Variants in AKT2 observed in about 807,000 individuals in gnomAD.
AKT2 encodes the protein AKT serine/threonine kinase 2, also known as RAC-beta serine/threonine-protein kinase.
AKT2 carries 16 observed loss-of-function variants against 58.6 expected under a neutral mutation model. The ratio of observed to expected loss-of-function variants is 0.27; its 90% CI spans 0.18 to 0.41. The LOEUF is 0.41. Among genes scored for constraint, AKT2 ranks in the 10% least tolerant of loss-of-function variants. The probability of loss-of-function intolerance (pLI) is 1.00; values close to 1 mark genes in which losing one functional copy is unlikely to be tolerated. For missense variants in AKT2, 438 were observed against 661.0 expected (o/e 0.66, Z 3.70); for synonymous variants, 253 against 254.0 (o/e 1.00, Z 0.04).
At chr19:40,274,902 G>A (rs928011309) in intron 1 of AKT2, 3 of 362,696 alleles carry the variant, frequency 8.3e-6, no homozygotes, top group African/African-American at 6.4e-5. Flanking sequence ...GGGGAGTGGG[G>A]GAGGGGCAGC....
intron 1 of AKT2, chr19:40,283,127 C>T (rs1454877133): frequency 6.5e-6 from 1 of 152,742 alleles, no homozygotes; most frequent in African/African-American, 2.4e-5. Context: ...ATGCTATAAA[C>T]ACTGGGCATC....
intron 1 of AKT2, chr19:40,282,468 T>C: frequency 2.0e-6 from 1 of 499,130 alleles, no homozygotes. Flanking sequence ...AAGGATGCCT[T>C]GCCTCCACTC....
chr19:40,281,395 G>C (rs2077421053), intron 1 of AKT2, among the ~76,000 whole-genome samples: 1 of 152,186 alleles, frequency 6.6e-6, no homozygotes. Context: ...AAGAGGATGA[G>C]GTGGAAGGAT....
chr19:40,275,764 TGGGGGGG>T (rs1004974778), intron 1 of AKT2, among the ~76,000 whole-genome samples: 1 of 4,752 alleles, frequency 2.1e-4, no homozygotes, highest in East Asian at 3.4e-3. Context: ...TTTGGGAGGC[TGGGGGGG>T]GGGGGGGTGG....
intron 7 of AKT2, chr19:40,239,521 T>C (rs1475175540): frequency 1.3e-5 from 4 of 313,404 alleles, no homozygotes; most frequent in Non-Finnish European, 2.5e-5. Context: ...AAAAGTACTG[T>C]GGCTTAATAG....
rs892948177 is a variant in AKT2, at chr19:40,235,426, G to T, written c.1176-76C>A. ...GCAGACGGGCTTTCGGAGCAGGCAG[G>T]CCCTGTATGGCCCTTAATGATTCTG... On this transcript the variant is annotated intron_variant, in intron 11 of 13. Transcript: ENST00000392038. This position sits in a 1 kb window ranked among gnomAD's most constrained non-coding sequence, Gnocchi z 6.3. 4 of 1,223,112 alleles carry T rather than the reference G, an allele frequency of 3.3e-6. No homozygotes were observed. Among genetic ancestry groups the T allele is most frequent in the Non-Finnish European group, 3.6e-6 (3 of 834,508 alleles). 75.8% of individuals were successfully genotyped at this position (1,223,112 alleles called of 1,614,324 possible).
In AKT2 at chr19:40,231,723, G is replaced by T. The variant is rs8111547; in HGVS notation, c.*2149C>A. 6.6e-4 allele frequency: 155 copies of T among 233,486 alleles called. No individual in the cohort carries two copies. Among genetic ancestry groups the T allele is most frequent in the African/African-American group, 3.2e-3 (145 of 45,488 alleles). The allele number at this position is 233,486 out of a possible 1,614,324, so 14.5% of individuals were successfully genotyped here. A position where few individuals can be genotyped will look rare whatever the true frequency, so the allele number is the denominator to read the frequency against. On this transcript the variant is annotated 3_prime_UTR_variant, in exon 14 of 14. Transcript: ENST00000392038. Reference sequence around the variant, plus strand: ...GCCACGTGACTCAAGCACGGGAAGTGCAGGGGCCCAGACACATCCAGGCTA... The same window carrying T: ...GCCACGTGACTCAAGCACGGGAAGTTCAGGGGCCCAGACACATCCAGGCTA...
intron 9 of AKT2, 40 bp from the exon 10 acceptor site, chr19:40,236,425 A>G: frequency 1.2e-6 from 2 of 1,613,330 alleles, no homozygotes; most frequent in South Asian, 1.1e-5. Context: ...CATGCTCCCA[A>G]GGCTTCCTGC....
intron 1 of AKT2, chr19:40,274,093 GA>G (rs2077267290): frequency 6.6e-6 from 1 of 152,552 alleles, no homozygotes; most frequent in Non-Finnish European, 1.5e-5. Context: ...GGCCTTCCCT[GA>G]CCACCCCTCT....
At chr19:40,274,350 G>A (rs2077270976) in intron 1 of AKT2, 1 of 153,180 alleles carries the variant, frequency 6.5e-6, no homozygotes, top group South Asian at 2.0e-4. Context: ...GCCAAGTGAA[G>A]GTAAAACAAA....
rs576276808 is a variant in AKT2, at chr19:40,242,119, G to A, written c.442-50C>T. The A allele has an allele frequency of 2.5e-5, 40 of 1,612,310 alleles. No homozygotes were observed. Among genetic ancestry groups the A allele is most frequent in the South Asian group, 2.1e-4 (19 of 90,998 alleles). The stretch of plus-strand genomic sequence containing the variant: ...GCAGTCAGCGCCTGGCTCATGGCCC[G>A]TGGGAGGAAATTTTAACAAAAGAAA... On this transcript the variant is annotated intron_variant, in intron 5 of 13. Coordinates refer to ENST00000392038, the MANE Select transcript of AKT2 (RefSeq NM_001626.6). This position sits in a 1 kb window ranked among gnomAD's most constrained non-coding sequence, Gnocchi z 4.3.
chr19:40,236,780 T>C (rs753550644), intron 9 of AKT2: 2 of 301,690 alleles, frequency 6.6e-6, no homozygotes, highest in South Asian at 3.0e-5. Context: ...TCCCAGCAAT[T>C]TGGGGGACTT....
rs564674181 is a variant in AKT2, at chr19:40,242,162, A to G, written c.442-93T>C. The G allele has an allele frequency of 3.1e-5, 49 of 1,558,932 alleles. No homozygotes were observed. In the South Asian group the frequency reaches 5.3e-4, roughly 17 times the overall value. On this transcript the variant is annotated intron_variant, in intron 5 of 13. Coordinates refer to ENST00000392038, the MANE Select transcript of AKT2 (RefSeq NM_001626.6). The surrounding 1 kb of genome is among the most constrained non-coding windows in gnomAD (Gnocchi z 4.3). The stretch of plus-strand genomic sequence containing the variant: ...AAAAGAAAGAGGAAAACCAAAAGAC[A>G]CTGTTGCCAAACGGCTTAGGCTGGA...
At chr19:40,251,080 T>C (rs1051872037) in intron 4 of AKT2, among the ~76,000 whole-genome samples, 7 of 152,030 alleles carry the variant, frequency 4.6e-5, no homozygotes, top group African/African-American at 1.7e-4. Flanking sequence ...GGTGCATACC[T>C]TTAGTCCCAG....
In AKT2 at chr19:40,242,737, G is replaced by C; in HGVS notation, c.288-50C>G. 1 of 1,598,290 alleles carries C rather than the reference G, an allele frequency of 6.3e-7. No individual in the cohort carries two copies. Among genetic ancestry groups the C allele is most frequent in the Non-Finnish European group, 8.5e-7 (1 of 1,176,118 alleles). On this transcript the variant is annotated intron_variant, in intron 4 of 13. Transcript: ENST00000392038. This position sits in a 1 kb window ranked among gnomAD's most constrained non-coding sequence, Gnocchi z 4.3. ...CAGCAGCCAGGAGTCCTGGGCCTCA[G>C]AGTCGAACAGCTGAGTGCCACCTCC... is the stretch of plus-strand genomic sequence containing the variant.
intron 2 of AKT2, among the ~76,000 whole-genome samples, chr19:40,262,703 C>T (rs1266545803): frequency 6.6e-6 from 1 of 152,242 alleles, no homozygotes; most frequent in African/African-American, 2.4e-5. Flanking sequence ...GCAAGTCACT[C>T]TTCCTACTGA....
chr19:40,233,327 C>T lies in AKT2; in HGVS notation c.*545G>A. ...CCCCCAGCCCTGCAGCTCCCAAGGG[C>T]CCCTGCCTGCCCCTGGACATTATTG... On this transcript the variant is annotated 3_prime_UTR_variant, in exon 14 of 14. Transcript: ENST00000392038. The surrounding 1 kb of genome is among the most constrained non-coding windows in gnomAD (Gnocchi z 4.3). The T allele has an allele frequency of 2.5e-6, 1 of 395,044 alleles. No homozygotes were observed. The highest frequency in any genetic ancestry group is 4.8e-6 in the Non-Finnish European group (1 of 208,970). 24.5% of individuals were successfully genotyped at this position (395,044 alleles called of 1,614,324 possible). A position where few individuals can be genotyped will look rare whatever the true frequency, so the allele number is the denominator to read the frequency against.
intron 1 of AKT2, chr19:40,269,534 T>C (rs911268022): frequency 6.6e-6 from 1 of 152,180 alleles, no homozygotes; most frequent in Non-Finnish European, 1.5e-5. Flanking sequence ...TCAACTACTG[T>C]GGAAAACTGT....
chr19:40,279,218 C>G (rs570009754), intron 1 of AKT2: 35 of 152,474 alleles, frequency 2.3e-4, no homozygotes, highest in African/African-American at 8.4e-4. Flanking sequence ...GGCTTGCTGT[C>G]CCTCGCTCGG....
Sources: gnomAD v4.1 joint callset for allele counts (sites outside exome capture counted in the v4.1 genomes callset) on GRCh38, gnomAD v4.1.1 for gene constraint, Gnocchi (gnomAD v3.1) non-coding constraint, MANE v1.5 for transcripts, NCBI Gene and HGNC (gene_info 2026-07-23, HGNC 2026-07-21) for gene names.